Variants in MAP2K5 observed in about 807,000 individuals in gnomAD.
MAP2K5 encodes dual specificity mitogen-activated protein kinase kinase 5.
A neutral mutation model predicts 83.1 loss-of-function variants in MAP2K5; 49 were observed. That is an observed-to-expected ratio of 0.59 (90% CI 0.47 to 0.75). MAP2K5 has a LOEUF of 0.75. Among genes scored for constraint, MAP2K5 ranks in the 30% least tolerant of loss-of-function variants. MAP2K5 has a pLI of 0.00. For missense variants in MAP2K5, 457 were observed against 557.5 expected (o/e 0.82, Z 1.82); for synonymous variants, 202 against 191.8 (o/e 1.05, Z -0.44).
At chr15:67,792,937 T>C (rs927307881) in intron 21 of MAP2K5, among the ~76,000 whole-genome samples, 8 of 152,190 alleles carry the variant, frequency 5.3e-5, no homozygotes, top group Non-Finnish European at 8.8e-5. Flanking sequence ...GAGCCTTCAT[T>C]GTGTTTAATA....
chr15:67,796,635 TCAAA>T (rs1566967408), intron 21 of MAP2K5, among the ~76,000 whole-genome samples: 9 of 152,216 alleles, frequency 5.9e-5, no homozygotes, highest in Non-Finnish European at 1.2e-4. Flanking sequence ...TTGAGTGAGG[TCAAA>T]TATCCAAACT....
chr15:67,658,364 T>C (rs1023521384), intron 11 of MAP2K5, among the ~76,000 whole-genome samples, 189 bp from the exon 12 acceptor site: 3 of 152,172 alleles, frequency 2.0e-5, no homozygotes, highest in Admixed American at 6.6e-5. Flanking sequence ...AATGGAAATA[T>C]CTAGTTATAC....
intron 3 of MAP2K5, among the ~76,000 whole-genome samples, chr15:67,567,023 A>G (rs1234382921): frequency 6.6e-6 from 1 of 152,240 alleles, no homozygotes; most frequent in Non-Finnish European, 1.5e-5. Context: ...GTACCATTTT[A>G]TGTAAGTTAT....
chr15:67,784,806 T>C (rs1430137594), intron 21 of MAP2K5, among the ~76,000 whole-genome samples: 1 of 152,196 alleles, frequency 6.6e-6, no homozygotes, highest in Non-Finnish European at 1.5e-5. Flanking sequence ...GGTATAGAAA[T>C]GGGCAACTTC....
Position 67,793,154 on chromosome 15 carries a change from C to T in MAP2K5, c.1243-13492C>T, listed in dbSNP as rs1041456295. ...TTAATTTTTTACAAAGTTAAATTTACTTCCAGCTACTCGGGAAACTGAAAC... is the reference window on the plus strand; with the variant it reads ...TTAATTTTTTACAAAGTTAAATTTATTTCCAGCTACTCGGGAAACTGAAAC... On this transcript the variant is annotated intron_variant, in intron 21 of 21. Transcript: ENST00000178640. The surrounding 1 kb of genome is among the most constrained non-coding windows in gnomAD (Gnocchi z 4.6). Among the ~76,000 whole-genome samples, 1 of 152,206 alleles carries T rather than the reference C, an allele frequency of 6.6e-6. No individual in the cohort carries two copies. The highest frequency in any genetic ancestry group is 2.4e-5 in the African/African-American group (1 of 41,436).
rs766146841 is a variant in MAP2K5, at chr15:67,768,468, T to G, written c.1135-1134T>G. ...CCACCAAATGCTGCATGCTCTGAGTTTCTTGCCTGCAGCGCTGGAAGGTTG... is the reference window on the plus strand; with the variant it reads ...CCACCAAATGCTGCATGCTCTGAGTGTCTTGCCTGCAGCGCTGGAAGGTTG... On this transcript the variant is annotated intron_variant, in intron 19 of 21. Coordinates refer to ENST00000178640, the MANE Select transcript of MAP2K5 (RefSeq NM_145160.3). This position sits in a 1 kb window ranked among gnomAD's most constrained non-coding sequence, Gnocchi z 4.0. Among the ~76,000 whole-genome samples the G allele has an allele frequency of 4.6e-5, 7 of 152,344 alleles. No homozygotes were observed. Among genetic ancestry groups the G allele is most frequent in the Non-Finnish European group, 7.3e-5 (5 of 68,036 alleles).
intron 21 of MAP2K5, among the ~76,000 whole-genome samples, chr15:67,776,650 G>A (rs2090245138): frequency 6.6e-6 from 1 of 152,174 alleles, no homozygotes; most frequent in African/African-American, 2.4e-5. Flanking sequence ...GGGGGTTCAG[G>A]TTGGTTTTGC....
In MAP2K5 at chr15:67,802,146, G is replaced by A. The variant is rs2090718511; in HGVS notation, c.1243-4500G>A. ...GTCCTGCTGTCAGTCCATCAGGAAGGCATCTCAGCACAGTGGAACATGTGG... is the reference window on the plus strand; with the variant it reads ...GTCCTGCTGTCAGTCCATCAGGAAGACATCTCAGCACAGTGGAACATGTGG... On this transcript the variant is annotated intron_variant, in intron 21 of 21. Coordinates refer to ENST00000178640, the MANE Select transcript of MAP2K5 (RefSeq NM_145160.3). This position sits in a 1 kb window ranked among gnomAD's most constrained non-coding sequence, Gnocchi z 5.0. Among the ~76,000 whole-genome samples the A allele has an allele frequency of 1.3e-5, 2 of 152,210 alleles. No homozygotes were observed. Among genetic ancestry groups the A allele is most frequent in the South Asian group, 4.1e-4 (2 of 4,832 alleles).
chr15:67,588,627 A>G (rs1175219585), intron 6 of MAP2K5, among the ~76,000 whole-genome samples: 1 of 152,238 alleles, frequency 6.6e-6, no homozygotes. Flanking sequence ...GCATGAATGT[A>G]TGTATGAATT....
rs538921717 is a variant in MAP2K5, at chr15:67,617,640, T to C, written c.546-13248T>C. 4.6e-5 allele frequency among the ~76,000 whole-genome samples: 7 copies of C among 152,328 alleles called. No individual in the cohort carries two copies. In the East Asian group the frequency reaches 7.7e-4, roughly 17 times the overall value. On this transcript the variant is annotated intron_variant, in intron 8 of 21. Transcript: ENST00000178640. ...AATGTGAACACAGGTTGTTTCTCCC[T>C]TCTGTCTTGTGTGGACTTTTTAACA...
chr15:67,772,111 A>G (rs2090153437), intron 20 of MAP2K5, among the ~76,000 whole-genome samples: 1 of 152,268 alleles, frequency 6.6e-6, no homozygotes. Flanking sequence ...CAGCGGTTTA[A>G]TGAATTATCA....
At chr15:67,765,737 A>G (rs188119245) in intron 19 of MAP2K5, among the ~76,000 whole-genome samples, 1 of 152,196 alleles carries the variant, frequency 6.6e-6, no homozygotes, top group Non-Finnish European at 1.5e-5. Flanking sequence ...CTCCTCCACC[A>G]GCTCTTTGAG....
rs527886615 is a variant in MAP2K5 at position 67,716,558 on chromosome 15, A to G, written c.1045-11358A>G. 2.6e-5 allele frequency among the ~76,000 whole-genome samples: 4 copies of G among 152,280 alleles called. No homozygotes were observed. The South Asian group carries it at 6.2e-4, about 24-fold the overall frequency. On this transcript the variant is annotated intron_variant, in intron 16 of 21. Transcript: ENST00000178640. Reference sequence around the variant, plus strand: ...ACCACTGCTCCTAGAAAATTCTCTTATATGCCTTATGTTGTATTTAGAAAC... The same window carrying G: ...ACCACTGCTCCTAGAAAATTCTCTTGTATGCCTTATGTTGTATTTAGAAAC...
chr15:67,760,756 G>T lies in MAP2K5; in HGVS notation c.1135-8846G>T, dbSNP rs1372633359. Among the ~76,000 whole-genome samples, 1 of 152,054 alleles carries T rather than the reference G, an allele frequency of 6.6e-6. No individual in the cohort carries two copies. The highest frequency in any genetic ancestry group is 1.5e-5 in the Non-Finnish European group (1 of 68,006). ...TGTGAATGGGCAGTTGCCTGGTGGG[G>T]CCAGTTTTGGCTGCTGTCATTTAAC... On this transcript the variant is annotated intron_variant, in intron 19 of 21. Transcript: ENST00000178640. The surrounding 1 kb of genome is among the most constrained non-coding windows in gnomAD (Gnocchi z 4.1).
intron 20 of MAP2K5, among the ~76,000 whole-genome samples, chr15:67,772,381 A>G (rs2090158765): frequency 6.6e-6 from 1 of 152,240 alleles, no homozygotes. Flanking sequence ...ATAAGAGAAT[A>G]TTGCTGCTTT....
At chr15:67,709,371 C>A (rs1264162615) in intron 16 of MAP2K5, among the ~76,000 whole-genome samples, 2 of 151,606 alleles carry the variant, frequency 1.3e-5, no homozygotes, top group African/African-American at 4.8e-5. Context: ...GAGGGTAATC[C>A]TTCCCTGGAA....
intron 9 of MAP2K5, among the ~76,000 whole-genome samples, chr15:67,632,470 G>A (rs2086497345): frequency 1.3e-5 from 2 of 152,126 alleles, no homozygotes; most frequent in South Asian, 4.2e-4. Flanking sequence ...CTTTAGATTA[G>A]GAGACTGAAA....
At chr15:67,554,266 C>T (rs1391507797) in intron 2 of MAP2K5, among the ~76,000 whole-genome samples, 1 of 152,078 alleles carries the variant, frequency 6.6e-6, no homozygotes, top group African/African-American at 2.4e-5. Context: ...GCCATGTTGC[C>T]CAACCTGGTC....
chr15:67,581,182 G>C (rs1022240778), intron 4 of MAP2K5, among the ~76,000 whole-genome samples: 1 of 152,166 alleles, frequency 6.6e-6, no homozygotes, highest in Non-Finnish European at 1.5e-5. Flanking sequence ...AGCTGCTATT[G>C]AGGAGAAAGC....
Sources: gnomAD v4.1 joint callset for allele counts (sites outside exome capture counted in the v4.1 genomes callset) on GRCh38, gnomAD v4.1.1 for gene constraint, Gnocchi (gnomAD v3.1) non-coding constraint, MANE v1.5 for transcripts, NCBI Gene and HGNC (gene_info 2026-07-23, HGNC 2026-07-21) for gene names.